CGREF1: variants seen among roughly 807,000 people sequenced by gnomAD.
CGREF1 encodes the protein cell growth regulator with EF hand domain protein 1.
Under a neutral mutation model 17.4 loss-of-function variants are expected in CGREF1, and 16 were observed. The ratio of observed to expected loss-of-function variants is 0.92; its 90% CI spans 0.62 to 1.40. CGREF1 has a LOEUF of 1.40. CGREF1 is among the 40% of genes most tolerant of loss of function. The pLI is 0.00. For missense variants in CGREF1, 296 were observed against 376.4 expected, an observed-to-expected ratio of 0.79 and a Z score of 1.77; for synonymous variants, 142 against 154.6, an observed-to-expected ratio of 0.92 and a Z score of 0.61.
Position 27,101,154 on chromosome 2 carries a change from C to A in CGREF1, c.*120G>T. The stretch of plus-strand genomic sequence containing the variant: ...CTGAGCTGCACAGAAAGACCTGATA[C>A]CTACTGGGACCAGGCAGGGGGCACA... On this transcript the variant is annotated 3_prime_UTR_variant, in exon 6 of 6. Transcript: ENST00000402394. 6.8e-7 allele frequency: 1 copy of A among 1,476,152 alleles called. No homozygotes were observed. The highest frequency in any genetic ancestry group is 1.5e-5 in the South Asian group (1 of 67,748). The allele number at this position is 1,476,152 out of a possible 1,614,324, so 91.4% of individuals were successfully genotyped here.
At chr2:27,116,918 T>TCCCTCCCTCC (rs1671604494) in intron 1 of CGREF1, among the ~76,000 whole-genome samples, 1 of 81,526 alleles carries the variant, frequency 1.2e-5, no homozygotes, top group African/African-American at 5.1e-5. Flanking sequence ...TCTCTCTCTC[T>TCCCTCCCTCC]CTCTCTTTTT....
chr2:27,108,409 CAG>C (rs1558462154), intron 1 of CGREF1, among the ~76,000 whole-genome samples: 1 of 151,916 alleles, frequency 6.6e-6, no homozygotes. Context: ...AAATATAAAA[CAG>C]AGGTTAAGTG....
downstream of CGREF1, chr2:27,100,265 C>T (rs1462535891): frequency 3.2e-5 from 13 of 410,996 alleles, no homozygotes; most frequent in East Asian, 7.0e-5. Context: ...GAGTCCACAC[C>T]GCTGAGCTGA....
In CGREF1 at chr2:27,100,689, A is replaced by C; in HGVS notation, c.*585T>G. ...ATTTCTTCATCTGTCAAATGGAACC[A>C]ATTCTGCTTGGCTACAGAATTATTG... On this transcript the variant is annotated 3_prime_UTR_variant, in exon 6 of 6. Transcript: ENST00000402394. 1 of 1,096,856 alleles carries C rather than the reference A, an allele frequency of 9.1e-7. No individual in the cohort carries two copies. The highest frequency in any genetic ancestry group is 1.6e-5 in the South Asian group (1 of 62,596). 67.9% of individuals were successfully genotyped at this position (1,096,856 alleles called of 1,614,324 possible). A position where few individuals can be genotyped will look rare whatever the true frequency, so the allele number is the denominator to read the frequency against.
intron 1 of CGREF1, among the ~76,000 whole-genome samples, chr2:27,109,732 A>G (rs1671276618): frequency 1.3e-5 from 2 of 151,862 alleles, no homozygotes; most frequent in South Asian, 4.2e-4. Flanking sequence ...CTAAAAATAC[A>G]AAATTAGCTG....
intron 1 of CGREF1, chr2:27,104,706 A>G (rs1273472205): frequency 1.3e-6 from 2 of 1,547,392 alleles, no homozygotes; most frequent in African/African-American, 2.7e-5. Flanking sequence ...CAGCGCAAGC[A>G]TATCTGACCT....
chr2:27,110,120 G>A (rs1423716538), intron 1 of CGREF1, among the ~76,000 whole-genome samples: 1 of 151,962 alleles, frequency 6.6e-6, no homozygotes, highest in African/African-American at 2.4e-5. Context: ...CACTTTGGGA[G>A]GCCGAGGTGG....
At position 27,101,316 on chromosome 2, in the gene CGREF1, G is replaced by A. The variant is rs1670818877; in HGVS notation, c.915C>T (p.Asp305=). Residue 305 remains aspartate, a synonymous_variant, in exon 6 of 6, where the codon GAC becomes GAT. Transcript: ENST00000402394. ...CCACTTGAACAATGTGCACCTCAAA[G>A]TCATTTTGGGTGTTCTTAGACTCCA... ...ETLESKNTQN[D]FEVHIVQVEN... 6.3e-7 allele frequency: 1 copy of A among 1,591,010 alleles called. No homozygotes were observed. The highest frequency in any genetic ancestry group is 8.6e-7 in the Non-Finnish European group (1 of 1,167,874).
At chr2:27,107,218 T>C (rs1418733847) in intron 1 of CGREF1, among the ~76,000 whole-genome samples, 1 of 151,992 alleles carries the variant, frequency 6.6e-6, no homozygotes, top group Non-Finnish European at 1.5e-5. Context: ...TTGGAATTGT[T>C]ACACACAGAA....
At chr2:27,099,732 C>T (rs116026105), downstream of CGREF1, 5 of 1,613,996 alleles carry the variant, frequency 3.1e-6, no homozygotes, top group Admixed American at 8.3e-5. Flanking sequence ...GCCTGCAGGG[C>T]TTTGATGGCA....
chr2:27,110,032 G>C (rs1350834452), intron 1 of CGREF1, among the ~76,000 whole-genome samples: 2 of 150,972 alleles, frequency 1.3e-5, no homozygotes, highest in Non-Finnish European at 1.5e-5. Context: ...AGAAAAAGAA[G>C]AAATAAAAGC....
At chr2:27,102,730 G>A in intron 2 of CGREF1, 139 bp from the exon 3 acceptor site, 5 of 1,012,962 alleles carry the variant, frequency 4.9e-6, no homozygotes, top group Non-Finnish European at 5.6e-6. Flanking sequence ...AAACCCTGTA[G>A]TGGGGAGGCT....
chr2:27,114,674 G>A (rs970677019), intron 1 of CGREF1, among the ~76,000 whole-genome samples: 17 of 152,086 alleles, frequency 1.1e-4, no homozygotes, highest in African/African-American at 3.6e-4. Flanking sequence ...TGGTCTCCCC[G>A]AAACCACCCT....
At chr2:27,117,102 G>C (rs1034507600) in intron 1 of CGREF1, among the ~76,000 whole-genome samples, 1 of 151,538 alleles carries the variant, frequency 6.6e-6, no homozygotes, top group Non-Finnish European at 1.5e-5. Flanking sequence ...TAGTAGAGAC[G>C]GGGTTTCACC....
rs548401583 is a variant in CGREF1, at chr2:27,106,377, C to CT, written c.-11-2001dup. On this transcript the variant is annotated intron_variant, in intron 1 of 5. Transcript: ENST00000402394. Reference sequence around the variant, plus strand: ...TGAGCTGCCTGTCAGTGTGCTTGTGCTGTAAAGGAGACCAGAGATGATACC... The same window carrying CT: ...TGAGCTGCCTGTCAGTGTGCTTGTGCTTGTAAAGGAGACCAGAGATGATACC... 7.2e-5 allele frequency among the ~76,000 whole-genome samples: 11 copies of CT among 152,278 alleles called. No homozygotes were observed. In the South Asian group the frequency reaches 1.9e-3, roughly 26 times the overall value.
At chr2:27,104,420 C>T in intron 1 of CGREF1, 43 bp from the exon 2 acceptor site, 1 of 1,605,194 alleles carries the variant, frequency 6.2e-7, no homozygotes, top group East Asian at 2.2e-5. Flanking sequence ...AAAGAGGCGT[C>T]TGCCACCGTG....
At position 27,101,367 on chromosome 2, in the gene CGREF1, C is replaced by T; in HGVS notation, c.864G>A (p.Glu288=). The change falls in exon 6 of 6, where the codon GAG becomes GAA. Residue 288 remains glutamate (E), a synonymous_variant. Transcript: ENST00000402394. ...GQAEARENGE[E]AKELPGETLE... ...GTGTTTCCCCTGGAAGTTCCTTGGC[C>T]TCCTCTCCATTCTCCCTGGCCTCTG... 1.2e-6 allele frequency: 2 copies of T among 1,613,278 alleles called. No individual in the cohort carries two copies. Among genetic ancestry groups the T allele is most frequent in the Non-Finnish European group, 1.7e-6 (2 of 1,179,496 alleles).
Position 27,104,350 on chromosome 2 carries a change from A to C in CGREF1, c.17T>G (p.Met6Arg). The C allele has an allele frequency of 6.2e-7, 1 of 1,609,900 alleles. No individual in the cohort carries two copies. The highest frequency in any genetic ancestry group is 8.5e-7 in the Non-Finnish European group (1 of 1,177,800). Residue 6 changes from methionine (M) to arginine (R), a missense_variant, in exon 2 of 6, where the codon ATG becomes AGG. Met to Arg is a moderately conservative substitution (Grantham distance 91, BLOSUM62 -1). Transcript: ENST00000402394. ...GAGCAGCAGCAGGATTAACACTGTCATCGTCAAAGGTAACATCCTTCCTGG... is the reference window on the plus strand; with the variant it reads ...GAGCAGCAGCAGGATTAACACTGTCCTCGTCAAAGGTAACATCCTTCCTGG... MLPLT[M>R]TVLILLLLPT... is the part of the protein sequence containing the mutation.
intron 1 of CGREF1, among the ~76,000 whole-genome samples, chr2:27,111,833 C>A (rs778171476): frequency 2.6e-5 from 4 of 151,978 alleles, no homozygotes; most frequent in African/African-American, 9.7e-5. Context: ...AGCCCCGGTT[C>A]GCGCTCGCGC....
Sources: allele counts gnomAD v4.1 joint callset (sites outside exome capture counted in the v4.1 genomes callset), GRCh38; gene constraint gnomAD v4.1.1; transcripts MANE v1.5; gene names NCBI Gene and HGNC (gene_info 2026-07-23, HGNC 2026-07-21).